The following NEK1 variants were observed in gnomAD, a reference collection of about 807,000 sequenced individuals.
The protein encoded by NEK1 is NIMA related kinase 1.
NEK1 carries 137 observed loss-of-function variants against 182.1 expected under a neutral mutation model. That is an observed-to-expected ratio of 0.75 (90% confidence interval 0.65 to 0.87). The LOEUF (loss-of-function observed/expected upper bound fraction) is 0.87. NEK1 is among the 40% of genes least tolerant of loss of function. The probability of loss-of-function intolerance (pLI) is 0.00; values close to 1 mark genes in which losing one functional copy is unlikely to be tolerated. For missense variants in NEK1, 1,391 were observed against 1,494.4 expected (o/e 0.93, Z 1.14); for synonymous variants, 513 against 492.2 (o/e 1.04, Z -0.56).
chr4:169,610,324 T>G (rs1439739478), intron 2 of NEK1, among the ~76,000 whole-genome samples: 1 of 151,756 alleles, frequency 6.6e-6, no homozygotes, highest in Non-Finnish European at 1.5e-5. Context: ...CTTTTTTTCT[T>G]TTTTCTTTGA....
At chr4:169,539,163 A>G (rs1269501930) in intron 18 of NEK1, among the ~76,000 whole-genome samples, 1 of 152,176 alleles carries the variant, frequency 6.6e-6, no homozygotes, top group Non-Finnish European at 1.5e-5. Context: ...ACATCGCTAA[A>G]TCCAGAAATC....
At chr4:169,409,649 T>C (rs548790879) in intron 31 of NEK1, among the ~76,000 whole-genome samples, 1 of 152,190 alleles carries the variant, frequency 6.6e-6, no homozygotes, top group Admixed American at 6.5e-5. Flanking sequence ...GCGCCTGTAA[T>C]CCCAGCTACT....
intron 5 of NEK1, among the ~76,000 whole-genome samples, chr4:169,593,770 C>T (rs957087778): frequency 2.0e-5 from 3 of 152,026 alleles, no homozygotes; most frequent in African/African-American, 4.8e-5. Context: ...GGGCAGATCA[C>T]GAGGTCAGGA....
intron 5 of NEK1, among the ~76,000 whole-genome samples, chr4:169,597,614 T>A (rs899509152): frequency 8.6e-5 from 13 of 151,978 alleles, no homozygotes; most frequent in Non-Finnish European, 1.5e-5. Flanking sequence ...CCAGCTGGGG[T>A]GACAGAGCGA....
chr4:169,585,077 T>C (rs1487936418), intron 10 of NEK1, among the ~76,000 whole-genome samples: 5 of 152,118 alleles, frequency 3.3e-5, no homozygotes, highest in Non-Finnish European at 5.9e-5. Context: ...TAGTCTCAGC[T>C]ACTCAGGAGG....
intron 35 of NEK1, among the ~76,000 whole-genome samples, chr4:169,396,394 A>AAAAAAAAAAAAAAAACAAAAAAACATAG (rs1561111795): frequency 7.0e-6 from 1 of 142,292 alleles, no homozygotes; most frequent in Non-Finnish European, 1.5e-5. Flanking sequence ...AAAAAAAAAA[A>AAAAAAAAAAAAAAAACAAAAAAACATAG]AAGAAGAATC....
intron 18 of NEK1, among the ~76,000 whole-genome samples, chr4:169,548,755 T>G (rs1336135547): frequency 6.6e-6 from 1 of 152,228 alleles, no homozygotes; most frequent in Non-Finnish European, 1.5e-5. Flanking sequence ...TCCCAGTGGC[T>G]TTGTTTACAC....
At chr4:169,566,468 T>G (rs1763694562) in intron 12 of NEK1, among the ~76,000 whole-genome samples, 1 of 152,210 alleles carries the variant, frequency 6.6e-6, no homozygotes, top group Admixed American at 6.5e-5. Flanking sequence ...GCCAAAGTAC[T>G]GAAGTATAAC....
chr4:169,496,874 T>C (rs1486258311), intron 23 of NEK1, among the ~76,000 whole-genome samples: 3 of 152,192 alleles, frequency 2.0e-5, no homozygotes, highest in South Asian at 4.1e-4. Flanking sequence ...TCTTTTTTTG[T>C]TGTGTCTCTG....
At chr4:169,512,241 G>A (rs1450149878) in intron 19 of NEK1, among the ~76,000 whole-genome samples, 1 of 152,050 alleles carries the variant, frequency 6.6e-6, no homozygotes, top group African/African-American at 2.4e-5. Context: ...AAACAACAAT[G>A]TATAGGTGAC....
At chr4:169,427,912 T>A (rs374044035) in intron 29 of NEK1, among the ~76,000 whole-genome samples, 1 of 151,740 alleles carries the variant, frequency 6.6e-6, no homozygotes, top group Non-Finnish European at 1.5e-5. Context: ...GCAGCCTTGA[T>A]CTCCTGTGCT....
intron 23 of NEK1, 110 bp from the exon 24 acceptor site, chr4:169,479,644 T>C (rs1747625890): frequency 2.3e-6 from 2 of 868,936 alleles, no homozygotes; most frequent in Non-Finnish European, 1.8e-6. Flanking sequence ...AGTAGTTTTT[T>C]TCATTCCTGA....
chr4:169,428,461 A>G (rs1407180214), intron 29 of NEK1, among the ~76,000 whole-genome samples: 5 of 151,462 alleles, frequency 3.3e-5, no homozygotes, highest in African/African-American at 1.2e-4. Flanking sequence ...GTTAAGTAAA[A>G]GAAGCCAGAA....
intron 27 of NEK1, among the ~76,000 whole-genome samples, chr4:169,456,919 T>A (rs1742994694): frequency 6.6e-6 from 1 of 152,196 alleles, no homozygotes; most frequent in South Asian, 2.1e-4. Flanking sequence ...TGTATGGAAC[T>A]GGAGGTCATT....
chr4:169,486,342 A>T (rs1450177273), intron 23 of NEK1, among the ~76,000 whole-genome samples: 5 of 152,178 alleles, frequency 3.3e-5, no homozygotes, highest in African/African-American at 1.2e-4. Context: ...AGTGCCACCA[A>T]ATGACGAAAC....
chr4:169,514,039 A>G (rs11132806), intron 19 of NEK1, among the ~76,000 whole-genome samples: 42,596 of 151,220 alleles, frequency 0.28, 8,545 homozygotes, highest in African/African-American at 0.58. Flanking sequence ...AGGCTGGAGT[A>G]CAGTGGTGCA....
chr4:169,568,444 C>A (rs79893080), intron 12 of NEK1, among the ~76,000 whole-genome samples: 1 of 152,164 alleles, frequency 6.6e-6, no homozygotes, highest in African/African-American at 2.4e-5. Context: ...TTTTGATCCA[C>A]GGCACATTTT....
In NEK1 at chr4:169,612,422, GT is replaced by G. The variant is rs1483961322; in HGVS notation, c.-374del. 1 of 152,170 alleles carries G rather than the reference GT, an allele frequency of 6.6e-6. No individual in the cohort carries two copies. Among genetic ancestry groups the G allele is most frequent in the African/African-American group, 2.4e-5 (1 of 41,262 alleles). 9.4% of individuals were successfully genotyped at this position (152,170 alleles called of 1,614,324 possible). A position where few individuals can be genotyped will look rare whatever the true frequency, so the allele number is the denominator to read the frequency against. ...GGTCGTTGCTAGTGGCCACGGCGGG[GT>G]GGGGACGGGCGGCGTTCGGGACTGG... On this transcript the variant is annotated 5_prime_UTR_variant, in exon 1 of 36. Coordinates refer to ENST00000507142, the MANE Select transcript of NEK1 (RefSeq NM_001199397.3).
intron 27 of NEK1, among the ~76,000 whole-genome samples, chr4:169,459,438 A>G (rs1743536165): frequency 6.6e-6 from 1 of 152,208 alleles, no homozygotes; most frequent in Non-Finnish European, 1.5e-5. Context: ...CATACACTGC[A>G]AAATGGTACA....
Sources: allele counts gnomAD v4.1 joint callset (sites outside exome capture counted in the v4.1 genomes callset), GRCh38; gene constraint gnomAD v4.1.1; transcripts MANE v1.5; gene names NCBI Gene and HGNC (gene_info 2026-07-23, HGNC 2026-07-21).